SEPHS1: variants seen among roughly 807,000 people sequenced by gnomAD.
SEPHS1 encodes the protein zincore component SEPHS1.
Under a neutral mutation model 39.2 loss-of-function variants are expected in SEPHS1, and 7 were observed. The ratio of observed to expected loss-of-function variants is 0.18; its 90% CI spans 0.10 to 0.34. SEPHS1 has a LOEUF of 0.34. SEPHS1 is among the 10% of genes least tolerant of loss of function. SEPHS1 has a pLI of 1.00. For missense variants in SEPHS1, 253 were observed against 514.5 expected, an observed-to-expected ratio of 0.49 and a Z score of 4.92; for synonymous variants, 190 against 195.5, an observed-to-expected ratio of 0.97 and a Z score of 0.23.
chr10:13,334,770 T>C (rs1833576777), intron 4 of SEPHS1, among the ~76,000 whole-genome samples: 1 of 152,202 alleles, frequency 6.6e-6, no homozygotes, highest in Admixed American at 6.5e-5. Context: ...TTTTATCCAA[T>C]GCTGGAAGAT....
chr10:13,323,156 C>A (rs945450175), intron 7 of SEPHS1, 109 bp from the exon 8 acceptor site: 2 of 867,116 alleles, frequency 2.3e-6, no homozygotes, highest in Admixed American at 2.3e-5. Context: ...GATGACGTAT[C>A]GGAATAATGA....
chr10:13,347,734 T>G (rs992140731), intron 1 of SEPHS1, among the ~76,000 whole-genome samples: 2 of 136,462 alleles, frequency 1.5e-5, no homozygotes, highest in South Asian at 2.6e-4. Flanking sequence ...GCCGCCGCCC[T>G]CCCCTCCGCT....
intron 2 of SEPHS1, chr10:13,340,766 C>A (rs1228306053): frequency 1.3e-5 from 2 of 152,226 alleles, no homozygotes; most frequent in African/African-American, 4.8e-5. Context: ...CTTGAGCACG[C>A]CCCTAGGGCT....
Position 13,317,970 on chromosome 10 carries a change from A to C in SEPHS1, c.*1172T>G, listed in dbSNP as rs1832992885. ...ATATAGGTCCCATGAAAGACTTAAA[A>C]GTTTTATAAAACTAAAATCTAGTTT... is the stretch of plus-strand genomic sequence containing the variant. On this transcript the variant is annotated 3_prime_UTR_variant, in exon 9 of 9. Transcript: ENST00000327347. The C allele has an allele frequency of 6.6e-6, 1 of 152,232 alleles. No homozygotes were observed. The highest frequency in any genetic ancestry group is 1.5e-5 in the Non-Finnish European group (1 of 68,042). 9.4% of individuals were successfully genotyped at this position (152,232 alleles called of 1,614,324 possible).
At chr10:13,329,604 G>T in intron 6 of SEPHS1, 94 bp downstream of exon 6, 1 of 885,858 alleles carries the variant, frequency 1.1e-6, no homozygotes, top group South Asian at 1.5e-5. Flanking sequence ...CCCTGGATAT[G>T]AAACTAAAAA....
Position 13,325,309 on chromosome 10 carries a change from A to G in SEPHS1, c.752-2262T>C, listed in dbSNP as rs115730939. On this transcript the variant is annotated intron_variant, in intron 7 of 8. Coordinates refer to ENST00000327347, the MANE Select transcript of SEPHS1 (RefSeq NM_012247.5). The stretch of plus-strand genomic sequence containing the variant: ...TTTTATTTAGGTCTACGAATCATCA[A>G]TATGGTCTGGCTCTGTGTCCCCACC... 7.4e-3 allele frequency among the ~76,000 whole-genome samples: 1,120 copies of G among 152,302 alleles called. 11 individuals are homozygous for G. The highest frequency in any genetic ancestry group is 0.023 in the African/African-American group (939 of 41,552).
chr10:13,332,602 G>A (rs1055536840), intron 5 of SEPHS1, among the ~76,000 whole-genome samples: 2 of 152,134 alleles, frequency 1.3e-5, no homozygotes, highest in African/African-American at 4.8e-5. Context: ...CCAGCACTTT[G>A]GGAGGCTGAG....
chr10:13,347,446 G>A (rs1588553348), intron 1 of SEPHS1: 2 of 149,962 alleles, frequency 1.3e-5, no homozygotes, highest in East Asian at 4.0e-4. Flanking sequence ...CGGCGGCGGG[G>A]CGGAGGCGGC....
At chr10:13,341,898 C>T (rs1833795719) in intron 2 of SEPHS1, among the ~76,000 whole-genome samples, 1 of 151,268 alleles carries the variant, frequency 6.6e-6, no homozygotes, top group Non-Finnish European at 1.5e-5. Context: ...GGCCTTGAAC[C>T]CGGGAGGCAG....
intron 2 of SEPHS1, among the ~76,000 whole-genome samples, chr10:13,341,733 G>C (rs1179525925): frequency 6.6e-6 from 1 of 151,990 alleles, no homozygotes; most frequent in Non-Finnish European, 1.5e-5. Flanking sequence ...GAGGTGGGCA[G>C]ATCACTTAGA....
At chr10:13,341,857 G>C (rs1176741264) in intron 2 of SEPHS1, among the ~76,000 whole-genome samples, 1 of 151,894 alleles carries the variant, frequency 6.6e-6, no homozygotes, top group Non-Finnish European at 1.5e-5. Context: ...TACTTGGAGG[G>C]AGGCTGAGGC....
chr10:13,336,585 G>C (rs1317231244), intron 3 of SEPHS1, among the ~76,000 whole-genome samples: 1 of 152,148 alleles, frequency 6.6e-6, no homozygotes, highest in African/African-American at 2.4e-5. Context: ...TTCTTGTGCA[G>C]GACAAAGAAT....
intron 3 of SEPHS1, 59 bp downstream of exon 3, chr10:13,338,646 C>T (rs1202433886): frequency 5.8e-6 from 8 of 1,383,848 alleles, no homozygotes; most frequent in Middle Eastern, 3.6e-4. Context: ...ACCCCAGCCA[C>T]AACCCAAACC....
chr10:13,332,976 GA>G lies in SEPHS1; in HGVS notation c.560+840del, dbSNP rs1833515445. Reference sequence around the variant, plus strand: ...ACAAAATCCAGGATGGAGCAGGAGTGAACAGTGAGAGCCGAGGAGGATGGGG... The same window carrying G: ...ACAAAATCCAGGATGGAGCAGGAGTGACAGTGAGAGCCGAGGAGGATGGGG... On this transcript the variant is annotated intron_variant, in intron 5 of 8. Transcript: ENST00000327347. Among the ~76,000 whole-genome samples the G allele has an allele frequency of 2.0e-5, 3 of 152,138 alleles. No individual in the cohort carries two copies. The South Asian group carries it at 6.2e-4, about 31-fold the overall frequency.
chr10:13,335,393 C>T (rs1277304689), intron 4 of SEPHS1, among the ~76,000 whole-genome samples: 2 of 152,216 alleles, frequency 1.3e-5, no homozygotes, highest in Non-Finnish European at 2.9e-5. Flanking sequence ...AGGTCGGGCA[C>T]GGTGGCTCAT....
intron 2 of SEPHS1, among the ~76,000 whole-genome samples, chr10:13,341,915 C>T (rs535782986): frequency 7.2e-4 from 105 of 146,294 alleles, no homozygotes; most frequent in African/African-American, 2.6e-3. Flanking sequence ...GCAGAGGTTG[C>T]AGTGAGCTGA....
intron 5 of SEPHS1, among the ~76,000 whole-genome samples, chr10:13,331,159 T>C (rs1833455598): frequency 6.6e-6 from 1 of 152,220 alleles, no homozygotes; most frequent in East Asian, 1.9e-4. Flanking sequence ...GCAAAGTACA[T>C]GAACTCATCC....
intron 3 of SEPHS1, among the ~76,000 whole-genome samples, 172 bp downstream of exon 3, chr10:13,338,533 G>C (rs1833705123): frequency 6.6e-6 from 1 of 152,186 alleles, no homozygotes; most frequent in Non-Finnish European, 1.5e-5. Flanking sequence ...AGTGTGGGCA[G>C]GGGACAGGCC....
intron 2 of SEPHS1, among the ~76,000 whole-genome samples, chr10:13,344,197 C>T (rs752159371): frequency 1.8e-4 from 28 of 152,154 alleles, no homozygotes; most frequent in Non-Finnish European, 3.2e-4. Flanking sequence ...TCACTGCCAT[C>T]CAAGTACAGC....
Sources: allele counts gnomAD v4.1 joint callset (sites outside exome capture counted in the v4.1 genomes callset), GRCh38; gene constraint gnomAD v4.1.1; transcripts MANE v1.5; gene names NCBI Gene and HGNC (gene_info 2026-07-23, HGNC 2026-07-21).